The following OR11L1 variants were observed in gnomAD, a reference collection of about 807,000 sequenced individuals.
OR11L1 encodes the protein olfactory receptor family 11 subfamily L member 1, also known as olfactory receptor 11L1.
For missense variants in OR11L1, 397 were observed against 392.7 expected (o/e 1.01, Z -0.09); for synonymous variants, 164 against 159.1 (o/e 1.03, Z -0.23).
Position 247,841,081 on chromosome 1 carries a change from C to G in OR11L1, c.816G>C (p.Lys272Asn), listed in dbSNP as rs932447104. ...CCACAGTGTAGAAGACAGAAATGAT[C>G]TTGTTGATTTCAGGCAACAGGTGGG... is the stretch of plus-strand genomic sequence containing the variant. ...PSPHLLPEIN[K>N]IISVFYTVVT... is the part of the protein sequence containing the mutation. Residue 272 changes from lysine (K) to asparagine (N), a missense_variant, in exon 1 of 1, where the codon AAG (lysine) becomes AAC (asparagine). Transcript: ENST00000355784. 1.2e-6 allele frequency: 2 copies of G among 1,614,198 alleles called. No individual in the cohort carries two copies. The highest frequency in any genetic ancestry group is 3.3e-5 in the Admixed American group (2 of 60,024).
In OR11L1 at chr1:247,841,484, C is replaced by T. The variant is rs759005461; in HGVS notation, c.413G>A (p.Arg138His). ...SPLRYPFLMHRGLCARLVVVS... is the reference protein window; with the variant it reads ...SPLRYPFLMHHGLCARLVVVS... ...CACCACCAACCTGGCACAGAGCCCA[C>T]GATGCATGAGGAAGGGGTAGCGGAG... Residue 138 changes from arginine (R) to histidine (H), a missense_variant, in exon 1 of 1, where the codon CGT becomes CAT. Arg to His is a conservative substitution (Grantham distance 29). Coordinates refer to ENST00000355784, the MANE Select transcript of OR11L1 (RefSeq NM_001001959.1). The T allele has an allele frequency of 2.5e-5, 40 of 1,613,904 alleles. No homozygotes were observed. Among genetic ancestry groups the T allele is most frequent in the East Asian group, 1.1e-4 (5 of 44,882 alleles).
In OR11L1 at chr1:247,841,271, A is replaced by G; in HGVS notation, c.626T>C (p.Ile209Thr). 6.2e-7 allele frequency: 1 copy of G among 1,614,236 alleles called. No individual in the cohort carries two copies. Residue 209 changes from isoleucine (I) to threonine (T), a missense_variant, in exon 1 of 1, where the codon ATT (isoleucine) becomes ACT (threonine). By Grantham distance (89) the Ile-to-Thr change is moderately conservative. Coordinates refer to ENST00000355784, the MANE Select transcript of OR11L1 (RefSeq NM_001001959.1). Reference protein sequence around the residue: ...IFILSIAVLCICFFLTLGPYV... With the variant: ...IFILSIAVLCTCFFLTLGPYV... ...GGGCCCCAGTGTCAGAAAAAAACAA[A>G]TGCACAGCACGGCAATTGACAGGAT...
rs370152196 is a variant in OR11L1 at position 247,841,085 on chromosome 1, T to C, written c.812A>G (p.Asn271Ser). Residue 271 changes from asparagine to serine, a missense_variant, in exon 1 of 1, where the codon AAC becomes AGC. Physicochemically the swap from Asn to Ser is conservative, Grantham distance 46 (BLOSUM62 1). Coordinates refer to ENST00000355784, the MANE Select transcript of OR11L1 (RefSeq NM_001001959.1). ...CPSPHLLPEI[N>S]KIISVFYTVV... ...AGTGTAGAAGACAGAAATGATCTTG[T>C]TGATTTCAGGCAACAGGTGGGGACT... The C allele has an allele frequency of 1.9e-5, 30 of 1,614,106 alleles. No individual in the cohort carries two copies. Among genetic ancestry groups the C allele is most frequent in the Non-Finnish European group, 2.3e-5 (27 of 1,180,038 alleles).
Position 247,841,639 on chromosome 1 carries a change from C to T in OR11L1, c.258G>A (p.Leu86=). ...TTVPLLLANL[L]SWGQAISFSA... ...AGAAGGAGATGGCTTGGCCCCAGGA[C>T]AGCAGGTTGGCTAGGAGAAGGGGCA... The change falls in exon 1 of 1, where the codon CTG becomes CTA. Residue 86 remains leucine, a synonymous_variant. Transcript: ENST00000355784. The T allele has an allele frequency of 6.2e-7, 1 of 1,614,166 alleles. No individual in the cohort carries two copies. Among genetic ancestry groups the T allele is most frequent in the Non-Finnish European group, 8.5e-7 (1 of 1,180,018 alleles).
At position 247,841,790 on chromosome 1, in the gene OR11L1, C is replaced by G; in HGVS notation, c.107G>C (p.Cys36Ser). ...GACAACATTCCCTATAATGGTCAGGCAGTAGATGAGCAGGAAAATGACAAA... is the reference window on the plus strand; with the variant it reads ...GACAACATTCCCTATAATGGTCAGGGAGTAGATGAGCAGGAAAATGACAAA... ...LLFVIFLLIY[C>S]LTIIGNVVII... Residue 36 changes from cysteine to serine, a missense_variant, in exon 1 of 1, where the codon TGC becomes TCC. Physicochemically the swap from Cys to Ser is moderately radical, Grantham distance 112. Coordinates refer to ENST00000355784, the MANE Select transcript of OR11L1 (RefSeq NM_001001959.1). The G allele has an allele frequency of 6.2e-7, 1 of 1,614,008 alleles. No individual in the cohort carries two copies. Among genetic ancestry groups the G allele is most frequent in the Non-Finnish European group, 8.5e-7 (1 of 1,179,988 alleles).
Position 247,841,272 on chromosome 1 carries a change from T to C in OR11L1, c.625A>G (p.Ile209Val), listed in dbSNP as rs758159001. ...GGCCCCAGTGTCAGAAAAAAACAAA[T>C]GCACAGCACGGCAATTGACAGGATG... ...IFILSIAVLC[I>V]CFFLTLGPYV... The change falls in exon 1 of 1, where the codon ATT (isoleucine) becomes GTT (valine). Residue 209 changes from isoleucine (I) to valine (V), a missense_variant. Transcript: ENST00000355784. The C allele has an allele frequency of 1.2e-6, 2 of 1,614,110 alleles. No homozygotes were observed. The highest frequency in any genetic ancestry group is 1.1e-5 in the South Asian group (1 of 91,082).
In OR11L1 at chr1:247,840,998, G is replaced by A; in HGVS notation, c.899C>T (p.Ala300Val). 1 of 1,614,066 alleles carries A rather than the reference G, an allele frequency of 6.2e-7. No homozygotes were observed. Among genetic ancestry groups the A allele is most frequent in the South Asian group, 1.1e-5 (1 of 91,078 alleles). The change falls in exon 1 of 1, where the codon GCT (alanine) becomes GTT (valine). Residue 300 changes from alanine (A) to valine (V), a missense_variant. By Grantham distance (64) the Ala-to-Val change is moderately conservative. Coordinates refer to ENST00000355784, the MANE Select transcript of OR11L1 (RefSeq NM_001001959.1). ...TTTCCTTCTCATGACCTTTCTAACAGCTTCTTTGAAGTCTTTGTTCCTCAA... is the reference window on the plus strand; with the variant it reads ...TTTCCTTCTCATGACCTTTCTAACAACTTCTTTGAAGTCTTTGTTCCTCAA... ...YSLRNKDFKE[A>V]VRKVMRRKCG...
chr1:247,840,994 A>G lies in OR11L1; in HGVS notation c.903T>C (p.Val301=), dbSNP rs6681483. The change falls in exon 1 of 1, where the codon GTT becomes GTC. Residue 301 remains valine, a synonymous_variant. Transcript: ENST00000355784. ...CACATTTCCTTCTCATGACCTTTCTAACAGCTTCTTTGAAGTCTTTGTTCC... is the reference window on the plus strand; with the variant it reads ...CACATTTCCTTCTCATGACCTTTCTGACAGCTTCTTTGAAGTCTTTGTTCC... ...SLRNKDFKEA[V]RKVMRRKCGI... is the part of the protein sequence containing the mutation. The G allele has an allele frequency of 0.12, 191,242 of 1,613,852 alleles. 13,974 individuals are homozygous for G. Among genetic ancestry groups the G allele is most frequent in the African/African-American group, 0.34 (25,438 of 74,960 alleles).
In OR11L1 at chr1:247,840,988, C is replaced by T; in HGVS notation, c.909G>A (p.Lys303=). The part of the protein sequence containing the change: ...RNKDFKEAVR[K]VMRRKCGILW... ...GAATACCACATTTCCTTCTCATGAC[C>T]TTTCTAACAGCTTCTTTGAAGTCTT... The change falls in exon 1 of 1, where the codon AAG becomes AAA. Residue 303 remains lysine, a synonymous_variant. Coordinates refer to ENST00000355784, the MANE Select transcript of OR11L1 (RefSeq NM_001001959.1). 1 of 1,614,152 alleles carries T rather than the reference C, an allele frequency of 6.2e-7. No individual in the cohort carries two copies.
Position 247,841,111 on chromosome 1 carries a change from G to GATTTCA in OR11L1, c.785_786insTGAAAT (p.Pro262_Ser263insGluIle). The GATTTCA allele has an allele frequency of 6.2e-7, 1 of 1,614,106 alleles. No individual in the cohort carries two copies. Among genetic ancestry groups the GATTTCA allele is most frequent in the Non-Finnish European group, 8.5e-7 (1 of 1,179,994 alleles). On this transcript the variant is annotated inframe_insertion, in exon 1 of 1. Transcript: ENST00000355784. Reference sequence around the variant, plus strand: ...TGATTTCAGGCAACAGGTGGGGACTGGGACACACATACATGGAGATCATGG... The same window carrying GATTTCA: ...TGATTTCAGGCAACAGGTGGGGACTGATTTCAGGACACACATACATGGAGATCATGG...
Position 247,841,813 on chromosome 1 carries a change from A to G in OR11L1, c.84T>C (p.Phe28=). The part of the protein sequence containing the change: ...QNLLEWQALL[F]VIFLLIYCLT... Reference sequence around the variant, plus strand: ...GGCAGTAGATGAGCAGGAAAATGACAAAGAGCAGGGCCTGCCATTCAAGAA... The same window carrying G: ...GGCAGTAGATGAGCAGGAAAATGACGAAGAGCAGGGCCTGCCATTCAAGAA... The change falls in exon 1 of 1, where the codon TTT becomes TTC. Residue 28 remains phenylalanine, a synonymous_variant. Coordinates refer to ENST00000355784, the MANE Select transcript of OR11L1 (RefSeq NM_001001959.1). The G allele has an allele frequency of 6.2e-7, 1 of 1,614,102 alleles. No individual in the cohort carries two copies. Among genetic ancestry groups the G allele is most frequent in the Non-Finnish European group, 8.5e-7 (1 of 1,180,002 alleles).
Position 247,841,071 on chromosome 1 carries a change from C to T in OR11L1, c.826G>A (p.Val276Ile), listed in dbSNP as rs748781091. The T allele has an allele frequency of 6.2e-7, 1 of 1,614,168 alleles. No individual in the cohort carries two copies. The highest frequency in any genetic ancestry group is 1.7e-5 in the Admixed American group (1 of 60,014). Reference sequence around the variant, plus strand: ...AGTGGTGTGACCACAGTGTAGAAGACAGAAATGATCTTGTTGATTTCAGGC... The same window carrying T: ...AGTGGTGTGACCACAGTGTAGAAGATAGAAATGATCTTGTTGATTTCAGGC... The part of the protein sequence containing the change: ...LLPEINKIIS[V>I]FYTVVTPLLN... The change falls in exon 1 of 1, where the codon GTC (valine) becomes ATC (isoleucine). Residue 276 changes from valine (V) to isoleucine (I), a missense_variant. By Grantham distance (29) the Val-to-Ile change is conservative (BLOSUM62 3). Transcript: ENST00000355784.
chr1:247,841,619 G>A lies in OR11L1; in HGVS notation c.278C>T (p.Ser93Phe), dbSNP rs1572556098. Reference sequence around the variant, plus strand: ...GAGCTGTGCCATGCAGGCAGAGAAGGAGATGGCTTGGCCCCAGGACAGCAG... The same window carrying A: ...GAGCTGTGCCATGCAGGCAGAGAAGAAGATGGCTTGGCCCCAGGACAGCAG... ...ANLLSWGQAISFSACMAQLYF... is the reference protein window; with the variant it reads ...ANLLSWGQAIFFSACMAQLYF... The change falls in exon 1 of 1, where the codon TCC becomes TTC. Residue 93 changes from serine (S) to phenylalanine (F), a missense_variant. Physicochemically the swap from Ser to Phe is radical, Grantham distance 155 (BLOSUM62 -2). Coordinates refer to ENST00000355784, the MANE Select transcript of OR11L1 (RefSeq NM_001001959.1). 6.2e-7 allele frequency: 1 copy of A among 1,614,142 alleles called. No homozygotes were observed. Among genetic ancestry groups the A allele is most frequent in the South Asian group, 1.1e-5 (1 of 91,080 alleles).
Position 247,841,151 on chromosome 1 carries a change from G to C in OR11L1, c.746C>G (p.Thr249Ser). The change falls in exon 1 of 1, where the codon ACT (threonine) becomes AGT (serine). Residue 249 changes from threonine (T) to serine (S), a missense_variant. Transcript: ENST00000355784. ...GGAGATCATGGTCCCGTAGTAGAGA[G>C]TGACAACAGCCAGGTGGGAGCCACA... is the stretch of plus-strand genomic sequence containing the variant. ...STCGSHLAVV[T>S]LYYGTMISMY... is the part of the protein sequence containing the mutation. The C allele has an allele frequency of 6.2e-7, 1 of 1,614,206 alleles. No homozygotes were observed. Among genetic ancestry groups the C allele is most frequent in the Non-Finnish European group, 8.5e-7 (1 of 1,180,036 alleles).
In OR11L1 at chr1:247,841,393, G is replaced by A; in HGVS notation, c.504C>T (p.Phe168=). 1 of 1,614,194 alleles carries A rather than the reference G, an allele frequency of 6.2e-7. No individual in the cohort carries two copies. The highest frequency in any genetic ancestry group is 8.5e-7 in the Non-Finnish European group (1 of 1,180,028). The change falls in exon 1 of 1, where the codon TTC becomes TTT. Residue 168 remains phenylalanine, a synonymous_variant. Coordinates refer to ENST00000355784, the MANE Select transcript of OR11L1 (RefSeq NM_001001959.1). ...AATGGTTAATCTGATTGCGCCCACA[G>A]AAGTCCAACCTGGAAATCATCAGGG... The part of the protein sequence containing the change: ...LPSLMISRLD[F]CGRNQINHFF...
Position 247,841,149 on chromosome 1 carries a change from G to C in OR11L1, c.748C>G (p.Leu250Val). The C allele has an allele frequency of 1.2e-6, 2 of 1,614,172 alleles. No homozygotes were observed. The highest frequency in any genetic ancestry group is 1.7e-5 in the Admixed American group (1 of 60,016). The change falls in exon 1 of 1, where the codon CTC becomes GTC. Residue 250 changes from leucine (L) to valine (V), a missense_variant. Coordinates refer to ENST00000355784, the MANE Select transcript of OR11L1 (RefSeq NM_001001959.1). ...TCGSHLAVVT[L>V]YYGTMISMYV... ...ATGGAGATCATGGTCCCGTAGTAGA[G>C]AGTGACAACAGCCAGGTGGGAGCCA...
rs1663252489 is a variant in OR11L1 at position 247,841,301 on chromosome 1, A to G, written c.596T>C (p.Ile199Thr). Residue 199 changes from isoleucine to threonine, a missense_variant, in exon 1 of 1, where the codon ATC becomes ACC. Coordinates refer to ENST00000355784, the MANE Select transcript of OR11L1 (RefSeq NM_001001959.1). ...CSRVYITEVT[I>T]FILSIAVLCI... ...CAGCACGGCAATTGACAGGATGAAGATGGTCACCTCGGTGATATAAACTCT... is the reference window on the plus strand; with the variant it reads ...CAGCACGGCAATTGACAGGATGAAGGTGGTCACCTCGGTGATATAAACTCT... 6.2e-7 allele frequency: 1 copy of G among 1,614,202 alleles called. No homozygotes were observed. The highest frequency in any genetic ancestry group is 8.5e-7 in the Non-Finnish European group (1 of 1,180,026).
chr1:247,841,373 T>C lies in OR11L1; in HGVS notation c.524A>G (p.Asn175Ser), dbSNP rs776522749. ...TGGCGGGAGGTCGCAGAAGAAATGG[T>C]TAATCTGATTGCGCCCACAGAAGTC... Reference protein sequence around the residue: ...RLDFCGRNQINHFFCDLPPLM... With the variant: ...RLDFCGRNQISHFFCDLPPLM... Residue 175 changes from asparagine to serine, a missense_variant, in exon 1 of 1, where the codon AAC (asparagine) becomes AGC (serine). Asn to Ser is a conservative substitution (Grantham distance 46). Coordinates refer to ENST00000355784, the MANE Select transcript of OR11L1 (RefSeq NM_001001959.1). 1.9e-6 allele frequency: 3 copies of C among 1,613,934 alleles called. No individual in the cohort carries two copies. Among genetic ancestry groups the C allele is most frequent in the Non-Finnish European group, 2.5e-6 (3 of 1,179,962 alleles).
chr1:247,841,416 G>C lies in OR11L1; in HGVS notation c.481C>G (p.Leu161Val). The change falls in exon 1 of 1, where the codon CTG becomes GTG. Residue 161 changes from leucine (L) to valine (V), a missense_variant. Leu to Val is a conservative substitution (Grantham distance 32). Coordinates refer to ENST00000355784, the MANE Select transcript of OR11L1 (RefSeq NM_001001959.1). ...TGVSTGFLPS[L>V]MISRLDFCGR... Reference sequence around the variant, plus strand: ...CAGAAGTCCAACCTGGAAATCATCAGGGAAGGCAGAAAGCCTGTGCTGACC... The same window carrying C: ...CAGAAGTCCAACCTGGAAATCATCACGGAAGGCAGAAAGCCTGTGCTGACC... 2 of 1,614,178 alleles carry C rather than the reference G, an allele frequency of 1.2e-6. No individual in the cohort carries two copies. Among genetic ancestry groups the C allele is most frequent in the Non-Finnish European group, 1.7e-6 (2 of 1,180,026 alleles).
Sources: gnomAD v4.1 joint callset for allele counts on GRCh38, gnomAD v4.1.1 for gene constraint, MANE v1.5 for transcripts, NCBI Gene and HGNC (gene_info 2026-07-23, HGNC 2026-07-21) for gene names.